FCHO1: variants seen among roughly 807,000 people sequenced by gnomAD.
FCHO1 encodes FCH and mu domain containing endocytic adaptor 1, also known as F-BAR domain only protein 1.
In FCHO1, 45 loss-of-function variants were observed where a neutral mutation model predicts 114.4. That is an observed-to-expected ratio of 0.39 (90% CI 0.31 to 0.50). FCHO1 has a LOEUF of 0.50. FCHO1 is among the 20% of genes least tolerant of loss of function. The pLI is 0.77. For synonymous variants in FCHO1, 480 were observed against 488.9 expected (o/e 0.98, Z 0.24); for missense variants, 1,042 against 1,209.6 (o/e 0.86, Z 2.06).
intron 28 of FCHO1, among the ~76,000 whole-genome samples, chr19:17,788,073 C>G (rs1380300151): frequency 6.6e-6 from 1 of 152,018 alleles, no homozygotes; most frequent in African/African-American, 2.4e-5. Flanking sequence ...CCAGGGAGCC[C>G]GAAGTCCCCC....
In FCHO1 at chr19:17,781,392, T is replaced by A. The variant is rs751320552; in HGVS notation, c.1740+49T>A. ...GCTGGACTGGGGGTCGCGTCTGGGG[T>A]CCGCTTTTGGGCACTGGTCCTGGGG... On this transcript the variant is annotated intron_variant, in intron 21 of 28. Coordinates refer to ENST00000596536, the MANE Select transcript of FCHO1 (RefSeq NM_015122.3). The A allele has an allele frequency of 4.4e-6, 7 of 1,608,956 alleles. No homozygotes were observed. In the South Asian group the frequency reaches 7.7e-5, roughly 18 times the overall value.
chr19:17,756,249 G>A (rs551569614), intron 4 of FCHO1, among the ~76,000 whole-genome samples: 6 of 152,240 alleles, frequency 3.9e-5, no homozygotes, highest in African/African-American at 1.4e-4. Context: ...CTCTCCAAAG[G>A]TCAGACTCCC....
rs1166245770 is a variant in FCHO1, at chr19:17,784,971, A to C, written c.2426+47A>C. On this transcript the variant is annotated intron_variant, in intron 26 of 28. Transcript: ENST00000596536. This position sits in a 1 kb window ranked among gnomAD's most constrained non-coding sequence, Gnocchi z 5.3. The stretch of plus-strand genomic sequence containing the variant: ...AGGAAAACTCAGCAGTTTCCCCCAT[A>C]ACCCCAGACCTTCTCCCTGATGCAT... The C allele has an allele frequency of 4.4e-6, 7 of 1,578,516 alleles. No individual in the cohort carries two copies. Among genetic ancestry groups the C allele is most frequent in the Middle Eastern group, 2.1e-4 (1 of 4,720 alleles).
Position 17,775,225 on chromosome 19 carries a change from C to A in FCHO1, c.945+145C>A. The A allele has an allele frequency of 1.0e-6, 1 of 954,532 alleles. No individual in the cohort carries two copies. The highest frequency in any genetic ancestry group is 2.5e-5 in the East Asian group (1 of 39,644). 59.1% of individuals were successfully genotyped at this position (954,532 alleles called of 1,614,324 possible). A position where few individuals can be genotyped will look rare whatever the true frequency, so the allele number is the denominator to read the frequency against. Reference sequence around the variant, plus strand: ...GAGCCTGGGGGCTGGGTTCATATCCCACCTCAGCTGCAAAGTCCCATGGAC... The same window carrying A: ...GAGCCTGGGGGCTGGGTTCATATCCAACCTCAGCTGCAAAGTCCCATGGAC... On this transcript the variant is annotated intron_variant, in intron 14 of 28. Coordinates refer to ENST00000596536, the MANE Select transcript of FCHO1 (RefSeq NM_015122.3). The surrounding 1 kb of genome is among the most constrained non-coding windows in gnomAD (Gnocchi z 5.1).
At chr19:17,772,174 TTGTG>T (rs10537480) in intron 9 of FCHO1, among the ~76,000 whole-genome samples, 10 of 151,036 alleles carry the variant, frequency 6.6e-5, no homozygotes, top group African/African-American at 1.5e-4. Flanking sequence ...AGACATCCCC[TTGTG>T]TGTGTGTGTG....
chr19:17,757,427 A>C (rs2084046452), intron 4 of FCHO1, among the ~76,000 whole-genome samples: 1 of 152,056 alleles, frequency 6.6e-6, no homozygotes, highest in African/African-American at 2.4e-5. Flanking sequence ...GCCTCACCCG[A>C]GGATCTCCTG....
Position 17,775,387 on chromosome 19 carries a change from G to T in FCHO1, c.946-69G>T. 2 of 1,500,200 alleles carry T rather than the reference G, an allele frequency of 1.3e-6. No homozygotes were observed. Among genetic ancestry groups the T allele is most frequent in the Non-Finnish European group, 9.3e-7 (1 of 1,077,226 alleles). The allele number at this position is 1,500,200 out of a possible 1,614,324, so 92.9% of individuals were successfully genotyped here. On this transcript the variant is annotated intron_variant, in intron 14 of 28. Coordinates refer to ENST00000596536, the MANE Select transcript of FCHO1 (RefSeq NM_015122.3). The surrounding 1 kb of genome is among the most constrained non-coding windows in gnomAD (Gnocchi z 5.1). Reference sequence around the variant, plus strand: ...AGGCCTGGGGGCAGGGCGGGGGGCGGTTGGCAGGGTGAGATGGAAGGTTCG... The same window carrying T: ...AGGCCTGGGGGCAGGGCGGGGGGCGTTTGGCAGGGTGAGATGGAAGGTTCG...
intron 13 of FCHO1, 161 bp downstream of exon 13, chr19:17,774,639 C>T: frequency 1.6e-6 from 1 of 619,388 alleles, no homozygotes; most frequent in South Asian, 2.0e-5. Context: ...GTACCTCTGC[C>T]CCCGGCTAGC....
At position 17,781,479 on chromosome 19, in the gene FCHO1, G is replaced by A. The variant is rs766411063; in HGVS notation, c.1768G>A (p.Gly590Ser). 1 of 1,614,010 alleles carries A rather than the reference G, an allele frequency of 6.2e-7. No individual in the cohort carries two copies. Among genetic ancestry groups the A allele is most frequent in the Admixed American group, 1.7e-5 (1 of 59,986 alleles). ...TCGTTCCCTGAGCCCCTCCCCACTG[G>A]GCTCTTCAGCCGCCAGCACTGCCTT... Reference protein sequence around the residue: ...LSRSLSPSPLGSSAASTALER... With the variant: ...LSRSLSPSPLSSSAASTALER... The change falls in exon 22 of 29, where the codon GGC (glycine) becomes AGC (serine). Residue 590 changes from glycine (G) to serine (S), a missense_variant. Gly to Ser is a moderately conservative substitution (Grantham distance 56, BLOSUM62 0). Transcript: ENST00000596536.
At chr19:17,767,950 C>G (rs1274630707) in intron 7 of FCHO1, among the ~76,000 whole-genome samples, 1 of 152,250 alleles carries the variant, frequency 6.6e-6, no homozygotes, top group Non-Finnish European at 1.5e-5. Context: ...TAGAATTCCA[C>G]AATATCCAAA....
intron 7 of FCHO1, among the ~76,000 whole-genome samples, chr19:17,768,361 C>T (rs2090138594): frequency 1.3e-5 from 2 of 151,960 alleles, no homozygotes; most frequent in African/African-American, 4.8e-5. Context: ...TGAGCCACCG[C>T]GCCTGGCTTT....
At chr19:17,751,296 G>A (rs192234758), upstream of FCHO1, among the ~76,000 whole-genome samples, 7 of 152,300 alleles carry the variant, frequency 4.6e-5, no homozygotes, top group East Asian at 1.2e-3. This position sits in a 1 kb window ranked among gnomAD's most constrained non-coding sequence, Gnocchi z 4.4. Context: ...ATATTTGTTC[G>A]GTAAGAACAG....
At chr19:17,772,869 G>A (rs1269717608) in intron 11 of FCHO1, 128 bp downstream of exon 11, 1 of 674,158 alleles carries the variant, frequency 1.5e-6, no homozygotes, top group Non-Finnish European at 2.5e-6. Flanking sequence ...CACCATGTTG[G>A]CCAGGCTGGT....
chr19:17,770,636 T>A, intron 8 of FCHO1, 59 bp downstream of exon 8: 1 of 1,586,272 alleles, frequency 6.3e-7, no homozygotes, highest in Non-Finnish European at 8.6e-7. Flanking sequence ...GGCTGCCTGA[T>A]CAGAGAGTGG....
At chr19:17,779,738 T>G (rs1480294681) in intron 20 of FCHO1, among the ~76,000 whole-genome samples, 12 of 13,740 alleles carry the variant, frequency 8.7e-4, no homozygotes, top group South Asian at 2.3e-3. Context: ...GGGAGGAGGA[T>G]GGGGAAGGGG....
chr19:17,786,331 TCAAAAAAACACA>T (rs529126317), intron 26 of FCHO1, among the ~76,000 whole-genome samples: 13,713 of 149,950 alleles, frequency 0.091, 1,575 homozygotes, highest in African/African-American at 0.27. Context: ...AGACACCATC[TCAAAAAAACACA>T]CAAAAAAACA....
intron 20 of FCHO1, 73 bp downstream of exon 20, chr19:17,778,957 GGCCTGATCAGGCTGCTGGAGACACA>G: frequency 7.1e-7 from 1 of 1,406,472 alleles, no homozygotes; most frequent in Non-Finnish European, 9.4e-7. Flanking sequence ...CTTTGGGCAG[GGCCTGATCAGGCTGCTGGAGACACA>G]GCCAGGACCA....
Position 17,781,489 on chromosome 19 carries a change from C to T in FCHO1, c.1778C>T (p.Ala593Val). The T allele has an allele frequency of 6.2e-7, 1 of 1,614,062 alleles. No individual in the cohort carries two copies. Among genetic ancestry groups the T allele is most frequent in the Non-Finnish European group, 8.5e-7 (1 of 1,179,990 alleles). The change falls in exon 22 of 29, where the codon GCC becomes GTC. Residue 593 changes from alanine to valine, a missense_variant. Ala to Val is a moderately conservative substitution (Grantham distance 64). This residue lies in a region of FCHO1 where 455 missense variants were observed against 455.4 expected (regional missense o/e 1.00). Transcript: ENST00000596536. ...AGCCCCTCCCCACTGGGCTCTTCAG[C>T]CGCCAGCACTGCCTTGGAACGGCCC... ...SLSPSPLGSS[A>V]ASTALERPSF...
chr19:17,770,331 A>G (rs934871098), intron 7 of FCHO1, 94 bp from the exon 8 acceptor site: 1 of 1,318,694 alleles, frequency 7.6e-7, no homozygotes, highest in Non-Finnish European at 1.0e-6. Flanking sequence ...ACACACACAC[A>G]CATAGAAAAA....
Sources: allele counts gnomAD v4.1 joint callset (sites outside exome capture counted in the v4.1 genomes callset), GRCh38; gene constraint gnomAD v4.1.1; regional missense constraint gnomAD v4.1.1; non-coding constraint Gnocchi (gnomAD v3.1); transcripts MANE v1.5; gene names NCBI Gene and HGNC (gene_info 2026-07-23, HGNC 2026-07-21).